The following FUBP3 variants were observed in gnomAD, a reference collection of about 807,000 sequenced individuals.
The protein encoded by FUBP3 is far upstream element-binding protein 3.
Under a neutral mutation model 85.6 loss-of-function variants are expected in FUBP3, and 28 were observed. That is an observed-to-expected ratio of 0.33 (90% CI 0.24 to 0.45). The LOEUF (loss-of-function observed/expected upper bound fraction) is 0.45. Ranked by LOEUF, FUBP3 falls within the 20% of genes least tolerant of loss-of-function variation. The probability of loss-of-function intolerance (pLI) is 1.00; values close to 1 mark genes in which losing one functional copy is unlikely to be tolerated. For missense variants in FUBP3, 583 were observed against 755.1 expected (o/e 0.77, Z 2.67); for synonymous variants, 271 against 271.4 (o/e 1.00, Z 0.01).
intron 9 of FUBP3, 83 bp from the exon 10 acceptor site, chr9:130,622,623 TCA>T (rs1453525208): frequency 3.3e-6 from 2 of 604,774 alleles, no homozygotes; most frequent in African/African-American, 4.0e-5. Context: ...AGAGCGAGAC[TCA>T]GTCTCAAAAA....
intron 8 of FUBP3, among the ~76,000 whole-genome samples, 168 bp downstream of exon 8, chr9:130,618,063 C>T (rs574451880): frequency 6.6e-6 from 1 of 152,132 alleles, no homozygotes; most frequent in Non-Finnish European, 1.5e-5. Flanking sequence ...GTTTGTGCTG[C>T]CCAAAACCAG....
At chr9:130,610,358 G>A (rs1197969339) in intron 3 of FUBP3, among the ~76,000 whole-genome samples, 1 of 152,200 alleles carries the variant, frequency 6.6e-6, no homozygotes, top group Non-Finnish European at 1.5e-5. Flanking sequence ...ACCTCGAAGT[G>A]TGAGGGTCAG....
chr9:130,617,537 G>A (rs1015191496), intron 7 of FUBP3, among the ~76,000 whole-genome samples: 1 of 152,216 alleles, frequency 6.6e-6, no homozygotes, highest in Non-Finnish European at 1.5e-5. Flanking sequence ...TTCAGTGAAA[G>A]TAGCTCCTTA....
Position 130,601,801 on chromosome 9 carries a change from A to ATTTT in FUBP3, c.190+6228_190+6231dup, listed in dbSNP as rs113638192. Among the ~76,000 whole-genome samples, 949 of 117,322 alleles carry ATTTT rather than the reference A, an allele frequency of 8.1e-3. 53 individuals are homozygous for ATTTT. Among genetic ancestry groups the ATTTT allele is most frequent in the African/African-American group, 0.028 (859 of 30,522 alleles). The allele number at this position is 117,322 out of a possible 152,430, so 77.0% of individuals were successfully genotyped here. Reference sequence around the variant, plus strand: ...ATGGAAATTTTAGAAATAATTCCTAATTTTTTTTTTTTTTTTTTGAGATGG... The same window carrying ATTTT: ...ATGGAAATTTTAGAAATAATTCCTAATTTTTTTTTTTTTTTTTTTTTTGAGATGG... On this transcript the variant is annotated intron_variant, in intron 2 of 18. Transcript: ENST00000319725.
At chr9:130,626,750 C>T (rs973865875) in intron 12 of FUBP3, among the ~76,000 whole-genome samples, 1 of 152,208 alleles carries the variant, frequency 6.6e-6, no homozygotes, top group Non-Finnish European at 1.5e-5. Context: ...AGCAGTAAAA[C>T]TCCCTGCCTG....
intron 16 of FUBP3, among the ~76,000 whole-genome samples, chr9:130,632,587 G>C (rs1830259374): frequency 6.6e-6 from 1 of 152,236 alleles, no homozygotes; most frequent in Non-Finnish European, 1.5e-5. Flanking sequence ...CTATGCATGG[G>C]TGGGGATGGG....
intron 1 of FUBP3, chr9:130,581,888 C>G (rs1830146176): frequency 6.6e-6 from 1 of 152,160 alleles, no homozygotes; most frequent in South Asian, 2.1e-4. Flanking sequence ...GGATTTGAAC[C>G]TGCAGTTTCT....
intron 2 of FUBP3, among the ~76,000 whole-genome samples, chr9:130,601,670 AG>A (rs1291454125): frequency 5.3e-5 from 8 of 152,092 alleles, no homozygotes; most frequent in Middle Eastern, 3.4e-3. Context: ...CACCTTTTAT[AG>A]TACCACACTT....
intron 2 of FUBP3, among the ~76,000 whole-genome samples, chr9:130,600,744 G>A (rs146166213): frequency 6.3e-4 from 96 of 152,232 alleles, no homozygotes; most frequent in African/African-American, 2.2e-3. Context: ...AGGCCGAGGT[G>A]GGAGGATTGC....
rs1831782588 is a variant in FUBP3 at position 130,612,216 on chromosome 9, C to G, written c.225-240C>G. On this transcript the variant is annotated intron_variant, in intron 3 of 18. Transcript: ENST00000319725. This position sits in a 1 kb window ranked among gnomAD's most constrained non-coding sequence, Gnocchi z 4.1. ...GAGGAGGTGATGGTTTCATGAAAACCCTGAGGTTTCTTCCTCTGACAAAAG... is the reference window on the plus strand; with the variant it reads ...GAGGAGGTGATGGTTTCATGAAAACGCTGAGGTTTCTTCCTCTGACAAAAG... Among the ~76,000 whole-genome samples the G allele has an allele frequency of 6.6e-6, 1 of 152,094 alleles. No individual in the cohort carries two copies. The highest frequency in any genetic ancestry group is 1.5e-5 in the Non-Finnish European group (1 of 68,030).
intron 11 of FUBP3, among the ~76,000 whole-genome samples, chr9:130,626,081 T>C (rs1289355358): frequency 6.6e-6 from 1 of 152,216 alleles, no homozygotes; most frequent in Non-Finnish European, 1.5e-5. Flanking sequence ...GAAAGGCCGC[T>C]GGGCTTCAGC....
rs1168590925 is a variant in FUBP3, at chr9:130,616,819, C to A, written c.567+302C>A. ...TGCTTTTATCATCATAGGACAGCAT[C>A]TCAGATAAAAGTGCAGTATTTGGAG... On this transcript the variant is annotated intron_variant, in intron 7 of 18. Coordinates refer to ENST00000319725, the MANE Select transcript of FUBP3 (RefSeq NM_003934.2). This position sits in a 1 kb window ranked among gnomAD's most constrained non-coding sequence, Gnocchi z 4.7. 6.6e-6 allele frequency among the ~76,000 whole-genome samples: 1 copy of A among 152,238 alleles called. No homozygotes were observed. Among genetic ancestry groups the A allele is most frequent in the Non-Finnish European group, 1.5e-5 (1 of 68,046 alleles).
At chr9:130,609,148 A>G (rs1188761182) in intron 2 of FUBP3, among the ~76,000 whole-genome samples, 1 of 152,200 alleles carries the variant, frequency 6.6e-6, no homozygotes, top group Non-Finnish European at 1.5e-5. Flanking sequence ...CAAAAGAGAA[A>G]CACTACAGAA....
chr9:130,628,104 G>GCACACACACACA (rs71499253), intron 12 of FUBP3, among the ~76,000 whole-genome samples: 6 of 148,938 alleles, frequency 4.0e-5, no homozygotes, highest in African/African-American at 1.2e-4. Context: ...GCACGCACGC[G>GCACACACACACA]CACACACACA....
intron 16 of FUBP3, among the ~76,000 whole-genome samples, chr9:130,633,372 T>C (rs1369614061): frequency 6.6e-6 from 1 of 152,224 alleles, no homozygotes; most frequent in African/African-American, 2.4e-5. Context: ...CTAACCCTGT[T>C]TCCTTTCCTC....
intron 2 of FUBP3, among the ~76,000 whole-genome samples, chr9:130,606,515 G>A (rs1204251347): frequency 2.0e-5 from 3 of 152,094 alleles, no homozygotes; most frequent in Non-Finnish European, 4.4e-5. Context: ...GTGGGAGTGG[G>A]GGTATAACTA....
At chr9:130,634,811 A>C in intron 17 of FUBP3, 73 bp downstream of exon 17, 13 of 1,170,494 alleles carry the variant, frequency 1.1e-5, no homozygotes, top group South Asian at 1.3e-5. Flanking sequence ...TCCAAGGCTC[A>C]CTGTCACCTC....
rs1374682144 is a variant in FUBP3 at position 130,589,699 on chromosome 9, A to ATTTTTT, written c.85-5783_85-5782insTTTTTT. ...TGTATATATATATATATATATATAT[A>ATTTTTT]TATATATTTTTTTTTTTTTTTTTTT... is the stretch of plus-strand genomic sequence containing the variant. On this transcript the variant is annotated intron_variant, in intron 1 of 18. Coordinates refer to ENST00000319725, the MANE Select transcript of FUBP3 (RefSeq NM_003934.2). Among the ~76,000 whole-genome samples, 55 of 28,534 alleles carry ATTTTTT rather than the reference A, an allele frequency of 1.9e-3. 1 individual carries two copies. Among genetic ancestry groups the ATTTTTT allele is most frequent in the African/African-American group, 0.011 (55 of 4,848 alleles). The allele number at this position is 28,534 out of a possible 152,430, so 18.7% of individuals were successfully genotyped here.
rs373746887 is a variant in FUBP3, at chr9:130,636,781, G to C, written c.1711-233G>C. 5.3e-5 allele frequency among the ~76,000 whole-genome samples: 8 copies of C among 152,322 alleles called. No individual in the cohort carries two copies. The East Asian group carries it at 1.2e-3, about 22-fold the overall frequency. On this transcript the variant is annotated intron_variant, in intron 18 of 18. Transcript: ENST00000319725. ...CTCTCACTGCCAAATTGGCCGTCTG[G>C]GTCTGGTCCTGGGGAAACAGGTGTC...
Sources: allele counts gnomAD v4.1 joint callset (sites outside exome capture counted in the v4.1 genomes callset), GRCh38; gene constraint gnomAD v4.1.1; non-coding constraint Gnocchi (gnomAD v3.1); transcripts MANE v1.5; gene names NCBI Gene and HGNC (gene_info 2026-07-23, HGNC 2026-07-21).